Variants in ADGRE2 observed in about 807,000 individuals in gnomAD.
ADGRE2 encodes the protein CD97 antigen.
A neutral mutation model predicts 100.8 loss-of-function variants in ADGRE2; 83 were observed. The observed-to-expected ratio is 0.82, with a 90% CI of 0.69 to 0.99. ADGRE2 has a LOEUF of 0.99. Among genes scored for constraint, ADGRE2 ranks in the 50% least tolerant of loss-of-function variants. ADGRE2 has a pLI of 0.00. For synonymous variants in ADGRE2, 355 were observed against 413.0 expected (o/e 0.86, Z 1.70); for missense variants, 814 against 1,035.7 (o/e 0.79, Z 2.94).
intron 3 of ADGRE2, 23 bp downstream of exon 3, chr19:14,774,233 T>G: frequency 6.5e-7 from 1 of 1,533,842 alleles, no homozygotes; most frequent in Non-Finnish European, 8.8e-7. Context: ...TGGACTGTGC[T>G]TTCTGCTTCC....
Position 14,743,654 on chromosome 19 carries a change from C to T in ADGRE2, c.2314G>A (p.Val772Ile). The change falls in exon 19 of 21, where the codon GTC (valine) becomes ATC (isoleucine). Residue 772 changes from valine to isoleucine, a missense_variant. Around this residue, in one of 5 missense-constraint regions of ADGRE2, gnomAD observed 569 missense variants for 692.7 expected, o/e 0.82. Transcript: ENST00000315576. Reference protein sequence around the residue: ...LFTIINSLQGVFIFLVYCLLS... With the variant: ...LFTIINSLQGIFIFLVYCLLS... Reference sequence around the variant, plus strand: ...AGGCAGTACACCAGGAAGATGAAGACACCCTGCAGGCTGTTGATGATGGTG... The same window carrying T: ...AGGCAGTACACCAGGAAGATGAAGATACCCTGCAGGCTGTTGATGATGGTG... 6.2e-7 allele frequency: 1 copy of T among 1,614,184 alleles called. No individual in the cohort carries two copies. The highest frequency in any genetic ancestry group is 8.5e-7 in the Non-Finnish European group (1 of 1,180,034).
At chr19:14,747,059 C>T (rs920565644) in intron 16 of ADGRE2, 97 bp from the exon 17 acceptor site, 2 of 997,620 alleles carry the variant, frequency 2.0e-6, no homozygotes, top group East Asian at 2.6e-5. Flanking sequence ...TCCTCACTTC[C>T]TTCCTACGTC....
At chr19:14,777,873 C>T (rs12981267) in intron 1 of ADGRE2, among the ~76,000 whole-genome samples, 36,591 of 152,048 alleles carry the variant, frequency 0.24, 5,196 homozygotes, top group African/African-American at 0.38. Context: ...ATGTGCCACA[C>T]TTTCTTAATC....
chr19:14,740,814 G>A (rs1052793629), intron 20 of ADGRE2, among the ~76,000 whole-genome samples: 6 of 152,160 alleles, frequency 3.9e-5, no homozygotes, highest in East Asian at 1.9e-4. Flanking sequence ...GTAGCTCACC[G>A]TGGCCTTGAA....
chr19:14,770,694 T>TTTC (rs2044173526), intron 5 of ADGRE2, among the ~76,000 whole-genome samples: 1 of 140,986 alleles, frequency 7.1e-6, no homozygotes, highest in Non-Finnish European at 1.5e-5. Flanking sequence ...TTTTTTTTTT[T>TTTC]TTTGAGACAA....
At chr19:14,776,179 C>G (rs568121635) in intron 2 of ADGRE2, among the ~76,000 whole-genome samples, 1 of 151,698 alleles carries the variant, frequency 6.6e-6, no homozygotes, top group South Asian at 2.1e-4. Context: ...TGTTGTTCAC[C>G]AGAGAGAGAG....
chr19:14,759,665 T>G (rs1368657909), intron 11 of ADGRE2, among the ~76,000 whole-genome samples: 2 of 150,966 alleles, frequency 1.3e-5, no homozygotes, highest in African/African-American at 2.4e-5. Flanking sequence ...CCCAGCTAAT[T>G]TTTGTATTTT....
At position 14,756,366 on chromosome 19, in the gene ADGRE2, A is replaced by G. The variant is rs2043501446; in HGVS notation, c.1085-21T>C. ...CAATTCTATGAGTTGTGGGAATTACATAAGGGGGGTTAGGTTAGGAATCGT... is the reference window on the plus strand; with the variant it reads ...CAATTCTATGAGTTGTGGGAATTACGTAAGGGGGGTTAGGTTAGGAATCGT... On this transcript the variant is annotated intron_variant, in intron 11 of 20. Transcript: ENST00000315576. The G allele has an allele frequency of 1.3e-5, 20 of 1,572,112 alleles. 1 individual carries two copies. Among genetic ancestry groups the G allele is most frequent in the African/African-American group, 1.2e-4 (9 of 74,192 alleles).
intron 5 of ADGRE2, among the ~76,000 whole-genome samples, chr19:14,767,383 C>T (rs796773081): frequency 9.9e-4 from 150 of 152,156 alleles, no homozygotes; most frequent in African/African-American, 3.1e-3. Flanking sequence ...GGACTACAGG[C>T]GCCCGCCACC....
intron 20 of ADGRE2, chr19:14,741,467 C>T (rs921898350): frequency 1.5e-5 from 2 of 130,032 alleles, no homozygotes; most frequent in South Asian, 2.6e-4. Context: ...AGACTCTGTA[C>T]ATTTCTTTTT....
chr19:14,727,587 C>T (rs917738681), downstream of ADGRE2, among the ~76,000 whole-genome samples: 2 of 151,984 alleles, frequency 1.3e-5, no homozygotes, highest in African/African-American at 2.4e-5. Flanking sequence ...CATTCATGAG[C>T]GATTTGCCCC....
At chr19:14,773,393 TTCTC>T (rs1467546321) in intron 4 of ADGRE2, among the ~76,000 whole-genome samples, 1 of 140,730 alleles carries the variant, frequency 7.1e-6, no homozygotes, top group East Asian at 2.3e-4. Context: ...CTTTCTCTCC[TTCTC>T]TCTTTCTGTC....
chr19:14,773,097 A>AAAAAAAAAAAAG (rs1568627127), intron 4 of ADGRE2, among the ~76,000 whole-genome samples: 9 of 110,354 alleles, frequency 8.2e-5, no homozygotes, highest in East Asian at 2.7e-4. Context: ...AAAAAAAAAA[A>AAAAAAAAAAAAG]ACAAAAAAAA....
chr19:14,743,311 G>A (rs2042984633), intron 20 of ADGRE2, 109 bp downstream of exon 20: 2 of 833,918 alleles, frequency 2.4e-6, no homozygotes, highest in Admixed American at 1.8e-5. Context: ...TCAGATGCGA[G>A]CCTTTCTAGG....
downstream of ADGRE2, among the ~76,000 whole-genome samples, chr19:14,728,809 G>A (rs2042649461): frequency 6.6e-6 from 1 of 152,128 alleles, no homozygotes; most frequent in African/African-American, 2.4e-5. Context: ...TCTGCAGAAG[G>A]GTGCCACCCA....
At chr19:14,724,949 G>A in the ADGRE2 span, among the ~76,000 whole-genome samples, 1 of 152,184 alleles carries the variant, frequency 6.6e-6, no homozygotes, top group Non-Finnish European at 1.5e-5. Context: ...GAGATGTACT[G>A]TGTTAGTCTG....
At chr19:14,745,643 T>C (rs2043064263) in intron 18 of ADGRE2, among the ~76,000 whole-genome samples, 1 of 152,078 alleles carries the variant, frequency 6.6e-6, no homozygotes, top group Admixed American at 6.6e-5. Context: ...CTCACTCTAT[T>C]GCCCAGGCTG....
At chr19:14,773,764 T>C (rs1458177594) in intron 4 of ADGRE2, among the ~76,000 whole-genome samples, 174 bp downstream of exon 4, 1 of 152,072 alleles carries the variant, frequency 6.6e-6, no homozygotes, top group Non-Finnish European at 1.5e-5. Flanking sequence ...CACCCGCCTC[T>C]GCCTCCCAAA....
intron 12 of ADGRE2, 134 bp from the exon 13 acceptor site, chr19:14,756,011 C>T: frequency 1.3e-6 from 1 of 795,892 alleles, no homozygotes; most frequent in African/African-American, 1.7e-5. Context: ...CCACACTTTC[C>T]TTCAATCTTT....
Sources: gnomAD v4.1 joint callset for allele counts (sites outside exome capture counted in the v4.1 genomes callset) on GRCh38, gnomAD v4.1.1 for gene constraint, gnomAD v4.1.1 regional missense constraint, MANE v1.5 for transcripts, NCBI Gene and HGNC (gene_info 2026-07-23, HGNC 2026-07-21) for gene names.